C16orf87: variants seen among roughly 807,000 people sequenced by gnomAD.
The protein encoded by C16orf87 is UPF0547 protein C16orf87.
A neutral mutation model predicts 21.0 loss-of-function variants in C16orf87; 13 were observed. The ratio of observed to expected loss-of-function variants is 0.62; its 90% CI spans 0.40 to 0.98. C16orf87 has a LOEUF of 0.98. Ranked by LOEUF, C16orf87 falls within the 50% of genes least tolerant of loss-of-function variation. The pLI is 0.00. For synonymous variants in C16orf87, 49 were observed against 60.2 expected, an observed-to-expected ratio of 0.81 and a Z score of 0.86; for missense variants, 113 against 180.4, an observed-to-expected ratio of 0.63 and a Z score of 2.14.
At position 46,806,414 on chromosome 16, in the gene C16orf87, C is replaced by T. The variant is rs536955643; in HGVS notation, c.346+3189G>A. ...CTGGGACTAGAGGCACGCACCACCA[C>T]GCCCGGCTAATTTTTTTTGTATTTT... On this transcript the variant is annotated intron_variant, in intron 3 of 3. Transcript: ENST00000285697. Among the ~76,000 whole-genome samples the T allele has an allele frequency of 5.9e-5, 9 of 152,150 alleles. No homozygotes were observed. The East Asian group carries it at 7.7e-4, about 13-fold the overall frequency.
At chr16:46,826,691 T>C (rs1219184723) in intron 1 of C16orf87, among the ~76,000 whole-genome samples, 1 of 152,216 alleles carries the variant, frequency 6.6e-6, no homozygotes, top group African/African-American at 2.4e-5. Flanking sequence ...TGCTACATTT[T>C]TTAAATAGTG....
intron 2 of C16orf87, among the ~76,000 whole-genome samples, chr16:46,814,823 G>A (rs796993610): frequency 6.6e-6 from 1 of 152,130 alleles, no homozygotes; most frequent in Non-Finnish European, 1.5e-5. Flanking sequence ...TGAGAGATCT[G>A]AAAGGAGATT....
intron 1 of C16orf87, among the ~76,000 whole-genome samples, chr16:46,827,385 A>G (rs982777542): frequency 1.3e-5 from 2 of 152,188 alleles, no homozygotes; most frequent in Non-Finnish European, 2.9e-5. Flanking sequence ...CAAACACACT[A>G]AAGTTTCTTT....
chr16:46,807,322 C>G, intron 3 of C16orf87, among the ~76,000 whole-genome samples: 1 of 151,492 alleles, frequency 6.6e-6, no homozygotes, highest in East Asian at 1.9e-4. Context: ...GCACCTGAGG[C>G]AGGAGGATCG....
chr16:46,804,759 C>T (rs1166771452), intron 3 of C16orf87, among the ~76,000 whole-genome samples: 63 of 152,166 alleles, frequency 4.1e-4, no homozygotes, highest in Admixed American at 4.1e-3. Context: ...TCTTTCCAGC[C>T]AATCCCTCTC....
intron 3 of C16orf87, among the ~76,000 whole-genome samples, chr16:46,805,401 TG>T (rs1967900798): frequency 6.6e-6 from 1 of 152,176 alleles, no homozygotes; most frequent in Admixed American, 6.5e-5. Context: ...ATCTATGTTT[TG>T]GGGTTTTTTG....
In C16orf87 at chr16:46,798,532, T is replaced by G. The variant is rs1967681013; in HGVS notation, c.*4420A>C. 6.6e-6 allele frequency: 1 copy of G among 151,396 alleles called. No individual in the cohort carries two copies. The highest frequency in any genetic ancestry group is 6.6e-5 in the Admixed American group (1 of 15,170). 9.4% of individuals were successfully genotyped at this position (151,396 alleles called of 1,614,324 possible). On this transcript the variant is annotated 3_prime_UTR_variant, in exon 4 of 4. Transcript: ENST00000285697. Reference sequence around the variant, plus strand: ...CTGTAATCCCAACACTTTGGGAGGCTGAGTCAGGAGTTGAAGACCAGCCTG... The same window carrying G: ...CTGTAATCCCAACACTTTGGGAGGCGGAGTCAGGAGTTGAAGACCAGCCTG...
intron 3 of C16orf87, among the ~76,000 whole-genome samples, chr16:46,809,141 T>A (rs943855484): frequency 1.3e-5 from 2 of 151,404 alleles, no homozygotes; most frequent in African/African-American, 2.4e-5. Context: ...TACAAAAAAT[T>A]AGCTAGGCAT....
intron 2 of C16orf87, 21 bp downstream of exon 2, chr16:46,824,365 A>G (rs1243844579): frequency 1.9e-6 from 2 of 1,065,874 alleles, no homozygotes; most frequent in Non-Finnish European, 2.8e-6. Flanking sequence ...AAAGCTAAAA[A>G]TGTATTAAAC....
intron 2 of C16orf87, among the ~76,000 whole-genome samples, chr16:46,819,049 G>A (rs1682213708): frequency 6.6e-6 from 1 of 152,158 alleles, no homozygotes. Flanking sequence ...CCCAAAAAGA[G>A]GGTATTTAAA....
At chr16:46,826,042 T>C (rs1959607090) in intron 1 of C16orf87, among the ~76,000 whole-genome samples, 2 of 152,036 alleles carry the variant, frequency 1.3e-5, no homozygotes, top group Admixed American at 6.6e-5. Context: ...AAAAAGAGAA[T>C]GTAGGAGAAG....
At chr16:46,820,986 A>G (rs925361919) in intron 2 of C16orf87, among the ~76,000 whole-genome samples, 4 of 152,198 alleles carry the variant, frequency 2.6e-5, no homozygotes, top group African/African-American at 9.6e-5. Context: ...CATTTCTTCT[A>G]TTAATTCTCC....
At position 46,802,943 on chromosome 16, in the gene C16orf87, A is replaced by C. The variant is rs755068527; in HGVS notation, c.*9T>G. On this transcript the variant is annotated 3_prime_UTR_variant, in exon 4 of 4. Transcript: ENST00000285697. ...TGACAGAAGTTTCAGCAGATTTTGC[A>C]AACAAGTATCAGAGAATAAGTCTTT... 1 of 1,357,656 alleles carries C rather than the reference A, an allele frequency of 7.4e-7. No homozygotes were observed. Among genetic ancestry groups the C allele is most frequent in the Non-Finnish European group, 1.0e-6 (1 of 952,906 alleles). 84.1% of individuals were successfully genotyped at this position (1,357,656 alleles called of 1,614,324 possible).
intron 2 of C16orf87, among the ~76,000 whole-genome samples, chr16:46,810,286 A>T (rs957879102): frequency 6.6e-6 from 1 of 152,196 alleles, no homozygotes; most frequent in Non-Finnish European, 1.5e-5. Flanking sequence ...TAAAAACCCT[A>T]GGCAAGTGAG....
At position 46,829,401 on chromosome 16, in the gene C16orf87, T is replaced by G. The variant is rs1959759782; in HGVS notation, c.66+1683A>C. 3.9e-5 allele frequency among the ~76,000 whole-genome samples: 6 copies of G among 152,184 alleles called. No individual in the cohort carries two copies. The South Asian group carries it at 1.2e-3, about 32-fold the overall frequency. On this transcript the variant is annotated intron_variant, in intron 1 of 3. Transcript: ENST00000285697. ...ACAGTTTTTCAGAAACTCCTATAAG[T>G]TTATTATCCTTTGCTCTTTTATATA...
intron 1 of C16orf87, among the ~76,000 whole-genome samples, chr16:46,825,392 T>C (rs189543367): frequency 1.1e-3 from 167 of 151,766 alleles, no homozygotes; most frequent in African/African-American, 3.4e-3. Context: ...CAACTACCAC[T>C]GACAAAGAAT....
intron 2 of C16orf87, among the ~76,000 whole-genome samples, chr16:46,819,460 C>A (rs972309443): frequency 6.6e-6 from 1 of 151,766 alleles, no homozygotes; most frequent in African/African-American, 2.4e-5. Context: ...CAAGTGCACA[C>A]CACCACGCCC....
chr16:46,825,087 T>TTG (rs1959564143), intron 1 of C16orf87, among the ~76,000 whole-genome samples: 1 of 152,094 alleles, frequency 6.6e-6, no homozygotes, highest in Non-Finnish European at 1.5e-5. Context: ...TGTAATAGGG[T>TTG]CAGAGCAAGG....
At chr16:46,829,780 T>C (rs1055927807) in intron 1 of C16orf87, among the ~76,000 whole-genome samples, 1 of 152,166 alleles carries the variant, frequency 6.6e-6, no homozygotes, top group Non-Finnish European at 1.5e-5. Context: ...TGATAAGCAT[T>C]TTTACTACAG....
Sources: allele counts gnomAD v4.1 joint callset (sites outside exome capture counted in the v4.1 genomes callset), GRCh38; gene constraint gnomAD v4.1.1; transcripts MANE v1.5; gene names NCBI Gene and HGNC (gene_info 2026-07-23, HGNC 2026-07-21).